Variants in CRLF3 observed in about 807,000 individuals in gnomAD.
CRLF3 encodes cytokine receptor like factor 3, also known as cytokine receptor-like factor 3.
In CRLF3, 33 loss-of-function variants were observed where a neutral mutation model predicts 55.0. The observed-to-expected ratio is 0.60, with a 90% confidence interval of 0.46 to 0.80. The LOEUF (loss-of-function observed/expected upper bound fraction) is 0.80. CRLF3 is among the 30% of genes least tolerant of loss of function. The pLI, the probability that CRLF3 is intolerant of heterozygous loss-of-function variation, is 0.00. For synonymous variants in CRLF3, 238 were observed against 196.8 expected, an observed-to-expected ratio of 1.21 and a Z score of -1.75; for missense variants, 494 against 538.4, an observed-to-expected ratio of 0.92 and a Z score of 0.82.
chr17:30,811,281 C>A (rs770267316), intron 1 of CRLF3, among the ~76,000 whole-genome samples: 80 of 151,626 alleles, frequency 5.3e-4, no homozygotes, highest in Non-Finnish European at 1.0e-3. Context: ...ATGGTGAAAC[C>A]CTGTCGCTGC....
At chr17:30,808,899 G>C (rs1261822508) in intron 1 of CRLF3, among the ~76,000 whole-genome samples, 1 of 152,144 alleles carries the variant, frequency 6.6e-6, no homozygotes, top group Non-Finnish European at 1.5e-5. Flanking sequence ...GGCCAAATCT[G>C]TATTTTTAAC....
intron 6 of CRLF3, 79 bp from the exon 7 acceptor site, chr17:30,786,110 A>G: frequency 1.3e-6 from 1 of 791,096 alleles, no homozygotes; most frequent in East Asian, 2.5e-5. Flanking sequence ...TAGCTTAAAA[A>G]GAGCAATCTC....
chr17:30,815,084 C>CTTTTTTTTTTTTTTTTTTTTTTTTTT (rs541526248), intron 1 of CRLF3, among the ~76,000 whole-genome samples: 1 of 107,530 alleles, frequency 9.3e-6, no homozygotes, highest in Non-Finnish European at 2.0e-5. Context: ...TTCTTTCTTT[C>CTTTTTTTTTTTTTTTTTTTTTTTTTT]TTTTTTTTTT....
chr17:30,797,390 C>T lies in CRLF3; in HGVS notation c.346G>A (p.Ala116Thr), dbSNP rs753792595. The change falls in exon 3 of 8, where the codon GCC becomes ACC. Residue 116 changes from alanine (A) to threonine (T), a missense_variant. Transcript: ENST00000324238. ...AEDLVREGEIAMLGGVGEENE... is the reference protein window; with the variant it reads ...AEDLVREGEITMLGGVGEENE... ...TCTTCTCCCACACCACCAAGCATGG[C>T]GATTTCACCTACAATCAAGAATAAG... 1.9e-6 allele frequency: 3 copies of T among 1,612,798 alleles called. No individual in the cohort carries two copies. The highest frequency in any genetic ancestry group is 2.7e-5 in the African/African-American group (2 of 74,868).
At chr17:30,802,870 A>G (rs1489754678) in intron 2 of CRLF3, among the ~76,000 whole-genome samples, 1 of 152,120 alleles carries the variant, frequency 6.6e-6, no homozygotes, top group Non-Finnish European at 1.5e-5. Context: ...CTTTCTAAAT[A>G]AAACAATGGA....
intron 2 of CRLF3, chr17:30,803,692 CT>C: frequency 1.8e-6 from 1 of 562,328 alleles, no homozygotes; most frequent in East Asian, 3.0e-5. Flanking sequence ...GGGGAAACCC[CT>C]TTCGCTTGGC....
Position 30,824,600 on chromosome 17 carries a change from C to T in CRLF3, c.52G>A (p.Glu18Lys). 6.2e-7 allele frequency: 1 copy of T among 1,605,396 alleles called. No individual in the cohort carries two copies. Among genetic ancestry groups the T allele is most frequent in the Non-Finnish European group, 8.5e-7 (1 of 1,179,166 alleles). The change falls in exon 1 of 8, where the codon GAG becomes AAG. Residue 18 changes from glutamate to lysine, a missense_variant. Transcript: ENST00000324238. ...EPELLLQEARENVEAAQSYRR... is the reference protein window; with the variant it reads ...EPELLLQEARKNVEAAQSYRR... ...TAGCTCTGCGCTGCCTCCACGTTCTCGCGGGCCTCCTGCAACAGCAGCTCA... is the reference window on the plus strand; with the variant it reads ...TAGCTCTGCGCTGCCTCCACGTTCTTGCGGGCCTCCTGCAACAGCAGCTCA...
intron 1 of CRLF3, among the ~76,000 whole-genome samples, chr17:30,808,277 A>ATTT (rs71138901): frequency 1.8e-5 from 1 of 54,862 alleles, no homozygotes. Flanking sequence ...TAGAACCTAT[A>ATTT]TTTTTTTTTT....
intron 1 of CRLF3, among the ~76,000 whole-genome samples, chr17:30,815,784 TCCGC>T (rs1449885901): frequency 6.7e-6 from 1 of 150,292 alleles, no homozygotes; most frequent in East Asian, 2.0e-4. Flanking sequence ...CCTCAGGTGA[TCCGC>T]CCGCCTTGGC....
At chr17:30,797,465 A>C (rs1971935847) in intron 2 of CRLF3, 67 bp from the exon 3 acceptor site, 1,080 of 1,272,554 alleles carry the variant, frequency 8.5e-4, no homozygotes, top group Non-Finnish European at 1.1e-3. Context: ...AACACAACTC[A>C]TGTCTGGGTG....
chr17:30,788,081 C>T (rs1304490993), intron 6 of CRLF3, among the ~76,000 whole-genome samples: 2 of 152,086 alleles, frequency 1.3e-5, no homozygotes, highest in Non-Finnish European at 2.9e-5. Context: ...GTAATCCCAG[C>T]ACTTTGGGAG....
chr17:30,784,143 C>T lies in CRLF3; in HGVS notation c.*44G>A, dbSNP rs373611481. ...AATTACAACTACGCTGGGCTGAGGACAGCTACGTTAGACCCTGAAAACCAA... is the reference window on the plus strand; with the variant it reads ...AATTACAACTACGCTGGGCTGAGGATAGCTACGTTAGACCCTGAAAACCAA... On this transcript the variant is annotated 3_prime_UTR_variant, in exon 8 of 8. Transcript: ENST00000324238. 8 of 1,571,576 alleles carry T rather than the reference C, an allele frequency of 5.1e-6. No individual in the cohort carries two copies. The highest frequency in any genetic ancestry group is 1.4e-5 in the African/African-American group (1 of 73,224).
chr17:30,791,915 C>G (rs1428600811), intron 6 of CRLF3, among the ~76,000 whole-genome samples: 1 of 152,034 alleles, frequency 6.6e-6, no homozygotes, highest in East Asian at 1.9e-4. Flanking sequence ...GGCATGATCT[C>G]AGCTCACTGC....
chr17:30,816,845 C>T (rs7208441), intron 1 of CRLF3, among the ~76,000 whole-genome samples: 19,287 of 151,968 alleles, frequency 0.13, 1,292 homozygotes, highest in South Asian at 0.25. Flanking sequence ...CTACAGTATT[C>T]AGTATAGTAA....
intron 6 of CRLF3, among the ~76,000 whole-genome samples, chr17:30,789,690 T>C (rs553828979): frequency 2.0e-5 from 3 of 152,304 alleles, no homozygotes; most frequent in Non-Finnish European, 4.4e-5. Context: ...TCTCACTGGG[T>C]TACCATGAAA....
chr17:30,784,334 A>C lies in CRLF3; in HGVS notation c.1182T>G (p.Asn394Lys). ...GAAGCTTGAAGTGTCCACCTTCATT[A>C]TTACTGGTGGTTCCTAGAGTCACGG... ...IEAVTLGTTS[N>K]NEGGHFKLRV... Residue 394 changes from asparagine to lysine, a missense_variant, in exon 8 of 8, where the codon AAT (asparagine) becomes AAG (lysine). Coordinates refer to ENST00000324238, the MANE Select transcript of CRLF3 (RefSeq NM_015986.4). The C allele has an allele frequency of 6.2e-7, 1 of 1,614,152 alleles. No homozygotes were observed. The highest frequency in any genetic ancestry group is 8.5e-7 in the Non-Finnish European group (1 of 1,180,006).
intron 5 of CRLF3, 24 bp downstream of exon 5, chr17:30,793,426 G>T (rs758959682): frequency 1.3e-6 from 2 of 1,577,700 alleles, no homozygotes; most frequent in Non-Finnish European, 1.7e-6. Flanking sequence ...TTAGGCTTCA[G>T]GAGAGAAAAG....
chr17:30,784,148 A>T lies in CRLF3; in HGVS notation c.*39T>A, dbSNP rs376592166. ...CAACTACGCTGGGCTGAGGACAGCTACGTTAGACCCTGAAAACCAAAGCCA... is the reference window on the plus strand; with the variant it reads ...CAACTACGCTGGGCTGAGGACAGCTTCGTTAGACCCTGAAAACCAAAGCCA... On this transcript the variant is annotated 3_prime_UTR_variant, in exon 8 of 8. Transcript: ENST00000324238. The T allele has an allele frequency of 7.5e-6, 12 of 1,590,624 alleles. No individual in the cohort carries two copies. The highest frequency in any genetic ancestry group is 1.1e-5 in the South Asian group (1 of 88,538).
chr17:30,817,213 G>A (rs1035471668), intron 1 of CRLF3, among the ~76,000 whole-genome samples: 4 of 152,094 alleles, frequency 2.6e-5, no homozygotes, highest in Non-Finnish European at 4.4e-5. Flanking sequence ...CGAGGTGGGT[G>A]GACAGCCTGA....
Sources: gnomAD v4.1 joint callset for allele counts (sites outside exome capture counted in the v4.1 genomes callset) on GRCh38, gnomAD v4.1.1 for gene constraint, MANE v1.5 for transcripts, NCBI Gene and HGNC (gene_info 2026-07-23, HGNC 2026-07-21) for gene names.